ABCC1: variants seen among roughly 807,000 people sequenced by gnomAD.
The protein encoded by ABCC1 is multidrug resistance-associated protein 1.
ABCC1 carries 83 observed loss-of-function variants against 172.9 expected under a neutral mutation model. That is an observed-to-expected ratio of 0.48 (90% CI 0.40 to 0.58). ABCC1 has a LOEUF of 0.58. Ranked by LOEUF, ABCC1 falls within the 20% of genes least tolerant of loss-of-function variation. The pLI, the probability that ABCC1 is intolerant of heterozygous loss-of-function variation, is 0.00. For synonymous variants in ABCC1, 937 were observed against 825.2 expected (o/e 1.14, Z -2.32); for missense variants, 1,817 against 2,002.7 (o/e 0.91, Z 1.77).
intron 7 of ABCC1, among the ~76,000 whole-genome samples, chr16:16,039,906 A>C (rs1195588387): frequency 1.3e-5 from 2 of 152,044 alleles, no homozygotes; most frequent in Non-Finnish European, 2.9e-5. Context: ...GCTTGAGGAA[A>C]GTGAGTGAGG....
chr16:15,974,813 G>T (rs1383184515), intron 1 of ABCC1, among the ~76,000 whole-genome samples: 1 of 152,140 alleles, frequency 6.6e-6, no homozygotes, highest in East Asian at 1.9e-4. Context: ...ATGATACAGA[G>T]TCTCACTCTG....
At chr16:16,121,765 G>A (rs915225712) in intron 23 of ABCC1, among the ~76,000 whole-genome samples, 6 of 152,160 alleles carry the variant, frequency 3.9e-5, no homozygotes, top group Non-Finnish European at 8.8e-5. Flanking sequence ...TTGTATAAGC[G>A]TGAGCTATTA....
intron 1 of ABCC1, among the ~76,000 whole-genome samples, chr16:15,975,071 G>A (rs2046453470): frequency 6.6e-6 from 1 of 152,098 alleles, no homozygotes; most frequent in South Asian, 2.1e-4. Context: ...TGACAGGTGT[G>A]AGCCACCATG....
At position 16,068,195 on chromosome 16, in the gene ABCC1, G is replaced by A. The variant is rs751292519; in HGVS notation, c.1717G>A (p.Glu573Lys). 5.6e-6 allele frequency: 9 copies of A among 1,614,102 alleles called. No individual in the cohort carries two copies. Among genetic ancestry groups the A allele is most frequent in the African/African-American group, 2.7e-5 (2 of 75,002 alleles). The change falls in exon 13 of 31, where the codon GAG (glutamate) becomes AAG (lysine). Residue 573 changes from glutamate (E) to lysine (K), a missense_variant. Physicochemically the swap from Glu to Lys is moderately conservative, Grantham distance 56. Around this residue, in one of 3 missense-constraint regions of ABCC1, gnomAD observed 1,412 missense variants for 1,600.3 expected, o/e 0.88. Coordinates refer to ENST00000399410, the MANE Select transcript of ABCC1 (RefSeq NM_004996.4). Reference protein sequence around the residue: ...CTFAVYVTIDENNILDAQTAF... With the variant: ...CTFAVYVTIDKNNILDAQTAF... ...ATTTGCCGTCTACGTGACCATTGAC[G>A]AGAACAACATCCTGGATGCCCAGAC...
chr16:16,078,153 T>G (rs981698048), intron 15 of ABCC1, among the ~76,000 whole-genome samples: 1 of 152,096 alleles, frequency 6.6e-6, no homozygotes, highest in Non-Finnish European at 1.5e-5. Flanking sequence ...GTGAGACTCT[T>G]GTCTCAAAAA....
At chr16:16,043,316 CT>C (rs1165326105) in intron 7 of ABCC1, among the ~76,000 whole-genome samples, 1 of 63,706 alleles carries the variant, frequency 1.6e-5, no homozygotes, top group African/African-American at 6.6e-5. Flanking sequence ...TTGTTTTTTT[CT>C]TTTTGAGACT....
intron 5 of ABCC1, among the ~76,000 whole-genome samples, chr16:16,028,079 A>G (rs2048436578): frequency 6.6e-6 from 1 of 152,132 alleles, no homozygotes; most frequent in South Asian, 2.1e-4. Context: ...TTCACACAGA[A>G]GCTGCCCCTC....
At chr16:16,127,976 A>G (rs1469686834) in intron 26 of ABCC1, among the ~76,000 whole-genome samples, 1 of 142,582 alleles carries the variant, frequency 7.0e-6, no homozygotes, top group Non-Finnish European at 1.5e-5. Context: ...GCTGGAATGC[A>G]GTGGCACGAT....
intron 12 of ABCC1, 104 bp from the exon 13 acceptor site, chr16:16,068,052 C>T: frequency 2.1e-6 from 3 of 1,405,798 alleles, no homozygotes; most frequent in East Asian, 2.3e-5. Flanking sequence ...TCAGTTGTGG[C>T]CACCTGGGGA....
chr16:15,953,599 A>G (rs1321384943), intron 1 of ABCC1, among the ~76,000 whole-genome samples: 1 of 152,158 alleles, frequency 6.6e-6, no homozygotes, highest in African/African-American at 2.4e-5. Flanking sequence ...AGCGCTCAGT[A>G]AAGATCAGTG....
intron 11 of ABCC1, among the ~76,000 whole-genome samples, chr16:16,053,773 T>TCAA (rs2049526723): frequency 6.2e-5 from 1 of 16,008 alleles, no homozygotes; most frequent in Non-Finnish European, 1.2e-4. Context: ...AGACCCTGTC[T>TCAA]CAAAAAAAAA....
chr16:16,087,488 G>T (rs527541911), intron 18 of ABCC1, among the ~76,000 whole-genome samples: 1 of 151,738 alleles, frequency 6.6e-6, no homozygotes, highest in African/African-American at 2.4e-5. Flanking sequence ...GTGGAGTTTC[G>T]CTACTGTTGC....
At chr16:16,079,229 TAC>T (rs1332058684) in intron 15 of ABCC1, 121 bp from the exon 16 acceptor site, 6 of 1,430,536 alleles carry the variant, frequency 4.2e-6, no homozygotes, top group East Asian at 2.3e-5. Context: ...CAGTGTTTAG[TAC>T]AGTCTTGCCT....
chr16:16,000,231 C>G (rs1036923458), intron 1 of ABCC1, among the ~76,000 whole-genome samples: 2 of 151,794 alleles, frequency 1.3e-5, no homozygotes, highest in African/African-American at 2.4e-5. Flanking sequence ...ACTGCAGTGT[C>G]TACCTTCCAA....
At chr16:16,133,967 A>G (rs1286997306) in intron 27 of ABCC1, among the ~76,000 whole-genome samples, 1 of 152,216 alleles carries the variant, frequency 6.6e-6, no homozygotes, top group African/African-American at 2.4e-5. Context: ...TCATGATGGG[A>G]AACTCACCAT....
intron 5 of ABCC1, 48 bp downstream of exon 5, chr16:16,016,669 A>T (rs368424741): frequency 6.2e-7 from 1 of 1,608,738 alleles, no homozygotes. Flanking sequence ...TGTGAGAGAG[A>T]TGCGTGACAC....
intron 7 of ABCC1, among the ~76,000 whole-genome samples, chr16:16,037,857 C>T (rs767587434): frequency 6.6e-5 from 10 of 152,092 alleles, no homozygotes; most frequent in African/African-American, 1.4e-4. Flanking sequence ...CTCGTGACTC[C>T]GGTCGGAGGC....
At chr16:16,084,795 AT>A (rs2050945642) in intron 17 of ABCC1, among the ~76,000 whole-genome samples, 1 of 151,980 alleles carries the variant, frequency 6.6e-6, no homozygotes, top group Non-Finnish European at 1.5e-5. Flanking sequence ...TAATTTCTGT[AT>A]TTTTAGTAGA....
intron 17 of ABCC1, among the ~76,000 whole-genome samples, chr16:16,084,526 G>A (rs1440436024): frequency 1.4e-5 from 2 of 144,358 alleles, no homozygotes; most frequent in African/African-American, 5.2e-5. Context: ...ACCACGCACA[G>A]CTAATTTTTG....
Sources: gnomAD v4.1 joint callset for allele counts (sites outside exome capture counted in the v4.1 genomes callset) on GRCh38, gnomAD v4.1.1 for gene constraint, gnomAD v4.1.1 regional missense constraint, MANE v1.5 for transcripts, NCBI Gene and HGNC (gene_info 2026-07-23, HGNC 2026-07-21) for gene names.